The following EFCAB14 variants were observed in gnomAD, a reference collection of about 807,000 sequenced individuals.
EFCAB14 encodes EF-hand calcium binding domain 14, also known as EF-hand calcium-binding domain-containing protein 14.
Under a neutral mutation model 56.5 loss-of-function variants are expected in EFCAB14, and 43 were observed. The ratio of observed to expected loss-of-function variants is 0.76; its 90% CI spans 0.60 to 0.98. The LOEUF (loss-of-function observed/expected upper bound fraction) is 0.98, where lower values mean the gene tolerates loss of function less well. Ranked by LOEUF, EFCAB14 falls within the 50% of genes least tolerant of loss-of-function variation. The pLI, the probability that EFCAB14 is intolerant of heterozygous loss-of-function variation, is 0.00. For missense variants in EFCAB14, 538 were observed against 580.3 expected, an observed-to-expected ratio of 0.93 and a Z score of 0.75; for synonymous variants, 235 against 212.9, an observed-to-expected ratio of 1.10 and a Z score of -0.90.
intron 2 of EFCAB14, among the ~76,000 whole-genome samples, chr1:46,713,702 T>C (rs1677344683): frequency 6.6e-6 from 1 of 152,156 alleles, no homozygotes. Flanking sequence ...CAAAACAAGC[T>C]ACAGCACAAG....
In EFCAB14 at chr1:46,691,872, A is replaced by G. The variant is rs761662126; in HGVS notation, c.645T>C (p.Thr215=). The G allele has an allele frequency of 6.2e-7, 1 of 1,613,630 alleles. No homozygotes were observed. Among genetic ancestry groups the G allele is most frequent in the Non-Finnish European group, 8.5e-7 (1 of 1,179,748 alleles). The change falls in exon 5 of 11, where the codon ACT becomes ACC. Residue 215 remains threonine, a synonymous_variant. Coordinates refer to ENST00000371933, the MANE Select transcript of EFCAB14 (RefSeq NM_014774.3). ...VHLAVEALQK[T]VDEHKKTMEL... Reference sequence around the variant, plus strand: ...CCATCGTTTTCTTGTGTTCATCCACAGTTTTCTGTAGTGCTTCCACAGCAA... The same window carrying G: ...CCATCGTTTTCTTGTGTTCATCCACGGTTTTCTGTAGTGCTTCCACAGCAA...
intron 10 of EFCAB14, among the ~76,000 whole-genome samples, chr1:46,680,204 G>GGT (rs1185556086): frequency 6.6e-6 from 1 of 151,930 alleles, no homozygotes; most frequent in African/African-American, 2.4e-5. Context: ...TCCATTCCTA[G>GGT]GTATATATAT....
At chr1:46,715,053 G>T (rs1677366190) in intron 2 of EFCAB14, among the ~76,000 whole-genome samples, 1 of 152,122 alleles carries the variant, frequency 6.6e-6, no homozygotes, top group Admixed American at 6.6e-5. Flanking sequence ...CTCATTAATG[G>T]TATTTAAATG....
rs1444509124 is a variant in EFCAB14 at position 46,692,253 on chromosome 1, A to G, written c.580-316T>C. ...TGCTTTTTAAAGTGTGGCTGCTTCT[A>G]CTCAGCAGAATTGGGATTCATCCAT... On this transcript the variant is annotated intron_variant, in intron 4 of 10. Coordinates refer to ENST00000371933, the MANE Select transcript of EFCAB14 (RefSeq NM_014774.3). Among the ~76,000 whole-genome samples the G allele has an allele frequency of 2.0e-5, 3 of 152,164 alleles. 1 individual carries two copies. Among genetic ancestry groups the G allele is most frequent in the Admixed American group, 2.0e-4 (3 of 15,268 alleles).
intron 10 of EFCAB14, 134 bp downstream of exon 10, chr1:46,683,166 G>T: frequency 1.1e-6 from 1 of 936,788 alleles, no homozygotes; most frequent in Admixed American, 2.4e-5. Flanking sequence ...ATGACATAAT[G>T]CATATAAAGT....
At chr1:46,685,666 A>C (rs1676870065) in intron 8 of EFCAB14, among the ~76,000 whole-genome samples, 1 of 152,260 alleles carries the variant, frequency 6.6e-6, no homozygotes, top group Non-Finnish European at 1.5e-5. Context: ...AGTAAAGCCA[A>C]GATGAAATTT....
intron 5 of EFCAB14, among the ~76,000 whole-genome samples, chr1:46,690,237 T>C (rs1676969296): frequency 6.6e-6 from 1 of 152,218 alleles, no homozygotes; most frequent in Non-Finnish European, 1.5e-5. Context: ...TCCCATTCCC[T>C]TCCCACTGCT....
At chr1:46,708,803 C>T (rs1042752301) in intron 2 of EFCAB14, among the ~76,000 whole-genome samples, 5 of 152,132 alleles carry the variant, frequency 3.3e-5, no homozygotes, top group Admixed American at 3.3e-4. Context: ...GAAACAATAG[C>T]TCCTGAATGG....
intron 4 of EFCAB14, among the ~76,000 whole-genome samples, chr1:46,694,182 T>G (rs1677043486): frequency 6.6e-6 from 1 of 152,050 alleles, no homozygotes; most frequent in Non-Finnish European, 1.5e-5. Context: ...GGACTTCATG[T>G]CTAAAACACC....
intron 8 of EFCAB14, 100 bp from the exon 9 acceptor site, chr1:46,684,702 C>A: frequency 3.3e-6 from 3 of 905,018 alleles, no homozygotes; most frequent in Non-Finnish European, 5.3e-6. Context: ...AGTGTTTGAC[C>A]CTCAGTAGGT....
rs1676678149 is a variant in EFCAB14 at position 46,675,406 on chromosome 1, AC to A, written c.*3054del. ...ACACGCTCTATAAAGTCTCAGGAAT[AC>A]CCAAATGTGTTCTGGTTTGGATATG... On this transcript the variant is annotated 3_prime_UTR_variant, in exon 11 of 11. Transcript: ENST00000371933. 6.6e-6 allele frequency: 1 copy of A among 152,662 alleles called. No homozygotes were observed. Among genetic ancestry groups the A allele is most frequent in the Admixed American group, 6.5e-5 (1 of 15,286 alleles). 9.5% of individuals were successfully genotyped at this position (152,662 alleles called of 1,614,324 possible).
chr1:46,691,518 A>T (rs1676991904), intron 5 of EFCAB14, among the ~76,000 whole-genome samples: 1 of 152,210 alleles, frequency 6.6e-6, no homozygotes, highest in South Asian at 2.1e-4. Context: ...GTTATGTAGT[A>T]ATAAACAATG....
intron 10 of EFCAB14, among the ~76,000 whole-genome samples, chr1:46,681,210 TG>T (rs1418905204): frequency 6.6e-6 from 1 of 152,152 alleles, no homozygotes; most frequent in African/African-American, 2.4e-5. Context: ...CTGCCTGCCT[TG>T]GCCTCCCAAA....
intron 3 of EFCAB14, 33 bp from the exon 4 acceptor site, chr1:46,696,682 A>C (rs759895550): frequency 1.9e-6 from 3 of 1,600,732 alleles, no homozygotes; most frequent in East Asian, 4.5e-5. Context: ...CAATGAAAAC[A>C]AATGAGAATT....
chr1:46,688,078 G>A (rs1676916174), intron 7 of EFCAB14, among the ~76,000 whole-genome samples: 1 of 152,158 alleles, frequency 6.6e-6, no homozygotes, highest in Non-Finnish European at 1.5e-5. Flanking sequence ...CATGACAGTA[G>A]CCTTGTCATC....
chr1:46,680,388 G>A (rs1004325913), intron 10 of EFCAB14, among the ~76,000 whole-genome samples: 3 of 152,184 alleles, frequency 2.0e-5, no homozygotes, highest in Admixed American at 6.5e-5. Flanking sequence ...AAAAAGGAAC[G>A]AAGTACTGAT....
chr1:46,717,266 A>G (rs972241456), intron 1 of EFCAB14, among the ~76,000 whole-genome samples: 6 of 152,174 alleles, frequency 3.9e-5, no homozygotes, highest in Admixed American at 6.5e-5. Context: ...CTTTTCTTTT[A>G]GTGTGCTCTG....
intron 4 of EFCAB14, among the ~76,000 whole-genome samples, chr1:46,695,621 T>A (rs980377412): frequency 1.3e-5 from 2 of 152,188 alleles, no homozygotes; most frequent in Non-Finnish European, 2.9e-5. Context: ...AATCCCTTCT[T>A]CCATTTCCTG....
chr1:46,712,665 G>A (rs368683866), intron 2 of EFCAB14, among the ~76,000 whole-genome samples: 81 of 152,112 alleles, frequency 5.3e-4, no homozygotes, highest in African/African-American at 1.9e-3. Context: ...ATCCAAGTTC[G>A]TGAATCCCAC....
Sources: gnomAD v4.1 joint callset for allele counts (sites outside exome capture counted in the v4.1 genomes callset) on GRCh38, gnomAD v4.1.1 for gene constraint, MANE v1.5 for transcripts, NCBI Gene and HGNC (gene_info 2026-07-23, HGNC 2026-07-21) for gene names.